MBD2: variants seen among roughly 807,000 people sequenced by gnomAD.
MBD2 encodes the protein methyl-CpG binding domain protein 2.
MBD2 carries 9 observed loss-of-function variants against 39.3 expected under a neutral mutation model. That is an observed-to-expected ratio of 0.23 (90% CI 0.14 to 0.40). MBD2 has a LOEUF of 0.40. Ranked by LOEUF, MBD2 falls within the 10% of genes least tolerant of loss-of-function variation. MBD2 has a pLI of 1.00. For synonymous variants in MBD2, 233 were observed against 211.1 expected (o/e 1.10, Z -0.90); for missense variants, 458 against 532.6 (o/e 0.86, Z 1.38).
Position 54,159,836 on chromosome 18 carries a change from A to G in MBD2, c.1177T>C (p.Ser393Pro), listed in dbSNP as rs1276887773. 1 of 1,612,906 alleles carries G rather than the reference A, an allele frequency of 6.2e-7. No individual in the cohort carries two copies. The highest frequency in any genetic ancestry group is 8.5e-7 in the Non-Finnish European group (1 of 1,180,004). ...ATCTCTTCTGTATCAGCAGCTCGCG[A>G]CAAGATGTCTGCCATCAGTGCTTCT... ...LEEALMADIL[S>P]RAADTEEMDI... The change falls in exon 6 of 7, where the codon TCG (serine) becomes CCG (proline). Residue 393 changes from serine (S) to proline (P), a missense_variant. Ser to Pro is a moderately conservative substitution (Grantham distance 74). Transcript: ENST00000256429.
At chr18:54,223,129 G>C (rs559059969) in intron 1 of MBD2, among the ~76,000 whole-genome samples, 1 of 152,298 alleles carries the variant, frequency 6.6e-6, no homozygotes, top group Non-Finnish European at 1.5e-5. Context: ...TAGTAAATGT[G>C]TATTAAGTCC....
At chr18:54,223,991 A>T in intron 1 of MBD2, 27 bp downstream of exon 1, 1 of 480,548 alleles carries the variant, frequency 2.1e-6, no homozygotes, top group Non-Finnish European at 3.4e-6. Flanking sequence ...TGACCCCGCC[A>T]CCCCCTCCCC....
At chr18:54,160,661 A>G (rs1343718101) in intron 5 of MBD2, among the ~76,000 whole-genome samples, 2 of 151,804 alleles carry the variant, frequency 1.3e-5, no homozygotes, top group Non-Finnish European at 2.9e-5. Flanking sequence ...AAAAAAAAAA[A>G]AAAAAGAAAA....
At chr18:54,213,746 G>GTA (rs1436842631) in intron 1 of MBD2, among the ~76,000 whole-genome samples, 1 of 152,138 alleles carries the variant, frequency 6.6e-6, no homozygotes, top group Non-Finnish European at 1.5e-5. Flanking sequence ...CCAGGAGCTG[G>GTA]TAACTGTTGA....
intron 5 of MBD2, among the ~76,000 whole-genome samples, chr18:54,160,593 T>C (rs950871399): frequency 6.8e-6 from 1 of 147,444 alleles, no homozygotes; most frequent in Non-Finnish European, 1.5e-5. Flanking sequence ...TTAAAAAGGC[T>C]CTGAACCATT....
At chr18:54,164,777 G>T in intron 4 of MBD2, 77 bp from the exon 5 acceptor site, 1 of 1,164,146 alleles carries the variant, frequency 8.6e-7, no homozygotes, top group Non-Finnish European at 1.2e-6. Context: ...TAAAACAACT[G>T]ATATTTTTAT....
At chr18:54,223,929 G>C in intron 1 of MBD2, 89 bp downstream of exon 1, 1 of 1,119,152 alleles carries the variant, frequency 8.9e-7, no homozygotes, top group Non-Finnish European at 1.2e-6. Flanking sequence ...TGCCCCCCGG[G>C]CCCCAGCGCT....
intron 1 of MBD2, among the ~76,000 whole-genome samples, chr18:54,214,493 C>CT (rs1357358442): frequency 6.6e-6 from 1 of 152,086 alleles, no homozygotes; most frequent in East Asian, 1.9e-4. Context: ...GCCAGCATAC[C>CT]TGACCTATGC....
chr18:54,184,486 G>T (rs2086271237), intron 3 of MBD2, among the ~76,000 whole-genome samples: 1 of 152,174 alleles, frequency 6.6e-6, no homozygotes, highest in South Asian at 2.1e-4. Flanking sequence ...TGCCAAAAAG[G>T]TTGGGGACTG....
At chr18:54,205,669 C>T (rs957063525) in intron 1 of MBD2, among the ~76,000 whole-genome samples, 1 of 151,556 alleles carries the variant, frequency 6.6e-6, no homozygotes, top group East Asian at 1.9e-4. Flanking sequence ...CAAGTGTCAC[C>T]TAATATAATG....
chr18:54,173,608 T>C (rs1193678179), intron 3 of MBD2, among the ~76,000 whole-genome samples: 3 of 152,224 alleles, frequency 2.0e-5, no homozygotes, highest in Non-Finnish European at 4.4e-5. Flanking sequence ...GCCAGATCTA[T>C]GCAATACAAT....
At chr18:54,197,556 C>T (rs1049210223) in intron 2 of MBD2, among the ~76,000 whole-genome samples, 2 of 152,206 alleles carry the variant, frequency 1.3e-5, no homozygotes, top group African/African-American at 4.8e-5. Context: ...TAAATTATTT[C>T]CCTAAAGTGA....
intron 2 of MBD2, among the ~76,000 whole-genome samples, chr18:54,196,998 G>T (rs1167504699): frequency 6.6e-6 from 1 of 152,262 alleles, no homozygotes; most frequent in East Asian, 1.9e-4. Context: ...ATCTTCATTA[G>T]CTAAAGAATA....
At chr18:54,212,713 C>T (rs2086518646) in intron 1 of MBD2, among the ~76,000 whole-genome samples, 1 of 149,014 alleles carries the variant, frequency 6.7e-6, no homozygotes, top group African/African-American at 2.4e-5. Context: ...TATCAAGACT[C>T]TGGGCAAGTC....
intron 2 of MBD2, among the ~76,000 whole-genome samples, chr18:54,201,623 G>A (rs1386222750): frequency 2.0e-5 from 3 of 152,122 alleles, no homozygotes; most frequent in Non-Finnish European, 4.4e-5. Flanking sequence ...AGCACTTTGG[G>A]AGGCCGAGGA....
intron 2 of MBD2, among the ~76,000 whole-genome samples, chr18:54,194,572 T>A (rs2086350809): frequency 6.6e-6 from 1 of 151,900 alleles, no homozygotes; most frequent in Non-Finnish European, 1.5e-5. Flanking sequence ...TATATATATA[T>A]GTAGCTTAAT....
At chr18:54,211,422 C>T (rs916179623) in intron 1 of MBD2, among the ~76,000 whole-genome samples, 5 of 152,048 alleles carry the variant, frequency 3.3e-5, no homozygotes, top group African/African-American at 1.2e-4. Flanking sequence ...CACGCACACA[C>T]GCAAGCACGC....
chr18:54,202,986 GT>G, intron 2 of MBD2: 1 of 1,015,748 alleles, frequency 9.8e-7, no homozygotes. Context: ...ATGAGTAGGA[GT>G]TCACCAGATG....
intron 3 of MBD2, among the ~76,000 whole-genome samples, chr18:54,175,786 G>C (rs2144295227): frequency 6.6e-6 from 1 of 152,182 alleles, no homozygotes; most frequent in East Asian, 1.9e-4. Flanking sequence ...CCAATTCCTA[G>C]CTCAAGCCTC....
Sources: gnomAD v4.1 joint callset for allele counts (sites outside exome capture counted in the v4.1 genomes callset) on GRCh38, gnomAD v4.1.1 for gene constraint, MANE v1.5 for transcripts, NCBI Gene and HGNC (gene_info 2026-07-23, HGNC 2026-07-21) for gene names.